The following PSMD1 variants were observed in gnomAD, a reference collection of about 807,000 sequenced individuals.
The protein encoded by PSMD1 is proteasome 26S subunit, non-ATPase 1.
Under a neutral mutation model 119.0 loss-of-function variants are expected in PSMD1, and 18 were observed. That is an observed-to-expected ratio of 0.15 (90% CI 0.10 to 0.22). The LOEUF (loss-of-function observed/expected upper bound fraction) is 0.22. Among genes scored for constraint, PSMD1 ranks in the 10% least tolerant of loss-of-function variants. The pLI, the probability that PSMD1 is intolerant of heterozygous loss-of-function variation, is 1.00. For synonymous variants in PSMD1, 374 were observed against 396.6 expected (o/e 0.94, Z 0.68); for missense variants, 702 against 1,158.5 (o/e 0.61, Z 5.72).
At chr2:231,068,080 T>C (rs1352338688) in intron 5 of PSMD1, among the ~76,000 whole-genome samples, 1 of 152,184 alleles carries the variant, frequency 6.6e-6, no homozygotes, top group South Asian at 2.1e-4. Flanking sequence ...AAAGACTAGG[T>C]CCAGTTCTGT....
At chr2:231,123,831 C>T in intron 16 of PSMD1, 9 of 1,236,104 alleles carry the variant, frequency 7.3e-6, no homozygotes, top group Non-Finnish European at 1.1e-5. Flanking sequence ...CTAAGCTGCT[C>T]ATCTGTTTTT....
chr2:231,131,360 C>A (rs961493431), intron 16 of PSMD1, among the ~76,000 whole-genome samples: 1 of 152,178 alleles, frequency 6.6e-6, no homozygotes, highest in Non-Finnish European at 1.5e-5. Context: ...CATTTATTAA[C>A]TGTTCCTTTA....
intron 19 of PSMD1, among the ~76,000 whole-genome samples, chr2:231,158,491 C>G (rs1696561374): frequency 6.6e-6 from 1 of 152,172 alleles, no homozygotes; most frequent in Admixed American, 6.5e-5. Context: ...ATATGATAAA[C>G]TCTACCTTAT....
chr2:231,137,915 A>G (rs1012928364), intron 16 of PSMD1, among the ~76,000 whole-genome samples: 2 of 152,218 alleles, frequency 1.3e-5, no homozygotes, highest in Non-Finnish European at 2.9e-5. Context: ...AGTTTAATAT[A>G]CATTCAAAAA....
chr2:231,080,676 T>A (rs997501889), intron 12 of PSMD1, among the ~76,000 whole-genome samples: 2 of 152,230 alleles, frequency 1.3e-5, no homozygotes, highest in African/African-American at 4.8e-5. Flanking sequence ...CTTGTTTTGA[T>A]CTTTGATAAT....
intron 19 of PSMD1, among the ~76,000 whole-genome samples, 159 bp from the exon 20 acceptor site, chr2:231,161,181 G>C (rs900273816): frequency 1.3e-5 from 2 of 151,734 alleles, no homozygotes; most frequent in African/African-American, 2.4e-5. Context: ...TGCTGCACTT[G>C]GGTGCAGTGT....
chr2:231,144,418 A>ATTTTTTTTTTTTT (rs751682132), intron 17 of PSMD1, among the ~76,000 whole-genome samples: 11 of 75,192 alleles, frequency 1.5e-4, no homozygotes, highest in Non-Finnish European at 2.6e-4. Flanking sequence ...CGCCCAGCTA[A>ATTTTTTTTTTTTT]TTTTTTTTTT....
At chr2:231,123,882 T>A (rs1425479673) in intron 16 of PSMD1, 1 of 805,698 alleles carries the variant, frequency 1.2e-6, no homozygotes, top group Non-Finnish European at 2.2e-6. Flanking sequence ...AAAGCCAAAG[T>A]TGACACCTTC....
chr2:231,123,370 A>T (rs1199342198), intron 16 of PSMD1: 6 of 1,343,420 alleles, frequency 4.5e-6, no homozygotes, highest in Non-Finnish European at 6.4e-6. Context: ...ATAGTATATC[A>T]TAGTTCTGTG....
chr2:231,061,382 T>TA, intron 2 of PSMD1, 72 bp downstream of exon 2: 1 of 1,245,356 alleles, frequency 8.0e-7, no homozygotes, highest in Non-Finnish European at 1.1e-6. Context: ...GTGATATCTG[T>TA]AATCTTCCAT....
chr2:231,134,613 C>T (rs1221126934), intron 16 of PSMD1, among the ~76,000 whole-genome samples: 1 of 152,164 alleles, frequency 6.6e-6, no homozygotes, highest in African/African-American at 2.4e-5. Context: ...CTAGTGTTAT[C>T]TTCATTATTC....
intron 24 of PSMD1, among the ~76,000 whole-genome samples, chr2:231,171,586 G>A (rs1041305485): frequency 3.2e-5 from 4 of 124,690 alleles, no homozygotes; most frequent in African/African-American, 6.3e-5. Context: ...ACGGAGTTTC[G>A]CTCTTGTTGC....
rs369643502 is a variant in PSMD1 at position 231,062,636 on chromosome 2, A to T, written c.265A>T (p.Asn89Tyr). The T allele has an allele frequency of 5.6e-6, 9 of 1,612,270 alleles. No individual in the cohort carries two copies. Among genetic ancestry groups the T allele is most frequent in the Admixed American group, 1.7e-5 (1 of 59,524 alleles). ...TGCTCTTGGAGCAGGGGACCTCTTC[A>T]ATGTCAATGATAACTCTGAATATGT... ...NYALGAGDLF[N>Y]VNDNSEYVET... Residue 89 changes from asparagine (N) to tyrosine (Y), a missense_variant, in exon 4 of 25, where the codon AAT (asparagine) becomes TAT (tyrosine). This residue lies in a region of PSMD1 where 60 missense variants were observed against 118.2 expected (regional missense o/e 0.51). Coordinates refer to ENST00000308696, the MANE Select transcript of PSMD1 (RefSeq NM_002807.4).
Position 231,163,701 on chromosome 2 carries a change from G to A in PSMD1, c.2455G>A (p.Val819Ile), listed in dbSNP as rs371303865. ...STFAYPAPLE[V>I]PKEKEKEKVS... ...ATTTGCATATCCTGCCCCTCTGGAA[G>A]TACCAAAAGAAAAAGAAAAGGAAAA... The change falls in exon 21 of 25, where the codon GTA becomes ATA. Residue 819 changes from valine (V) to isoleucine (I), a missense_variant. Coordinates refer to ENST00000308696, the MANE Select transcript of PSMD1 (RefSeq NM_002807.4). The A allele has an allele frequency of 1.4e-5, 22 of 1,611,584 alleles. No homozygotes were observed. The highest frequency in any genetic ancestry group is 1.8e-5 in the Non-Finnish European group (21 of 1,178,082).
intron 16 of PSMD1, among the ~76,000 whole-genome samples, chr2:231,106,406 GCCAGGAGTGGAGACCAGGCTGA>G (rs946121772): frequency 3.3e-5 from 5 of 152,106 alleles, no homozygotes; most frequent in African/African-American, 1.2e-4. Flanking sequence ...ATAGCTTGGG[GCCAGGAGTGGAGACCAGGCTGA>G]CCAACACAGC....
intron 19 of PSMD1, among the ~76,000 whole-genome samples, chr2:231,156,028 T>C (rs562652788): frequency 1.3e-5 from 2 of 152,284 alleles, no homozygotes; most frequent in South Asian, 4.1e-4. Context: ...GATATTTACA[T>C]TGTCTTCAGA....
intron 16 of PSMD1, among the ~76,000 whole-genome samples, chr2:231,118,539 A>G (rs780423496): frequency 3.3e-5 from 5 of 152,186 alleles, no homozygotes; most frequent in Non-Finnish European, 2.9e-5. Flanking sequence ...CAGGAAAATA[A>G]CCTGTATGCA....
chr2:231,090,257 C>A (rs970780868), intron 16 of PSMD1, among the ~76,000 whole-genome samples: 6 of 152,190 alleles, frequency 3.9e-5, no homozygotes, highest in Non-Finnish European at 8.8e-5. Context: ...CTATAGCTGC[C>A]ATAGGCTGGG....
chr2:231,148,016 C>T (rs1238430259), intron 18 of PSMD1, among the ~76,000 whole-genome samples: 1 of 152,182 alleles, frequency 6.6e-6, no homozygotes, highest in Non-Finnish European at 1.5e-5. Context: ...AAATCATTTT[C>T]AGGACTTTCA....
Sources: gnomAD v4.1 joint callset for allele counts (sites outside exome capture counted in the v4.1 genomes callset) on GRCh38, gnomAD v4.1.1 for gene constraint, gnomAD v4.1.1 regional missense constraint, MANE v1.5 for transcripts, NCBI Gene and HGNC (gene_info 2026-07-23, HGNC 2026-07-21) for gene names.